KAZN: variants seen among roughly 807,000 people sequenced by gnomAD.
KAZN encodes kazrin, periplakin interacting protein.
A neutral mutation model predicts 87.4 loss-of-function variants in KAZN; 40 were observed. The observed-to-expected ratio is 0.46, with a 90% confidence interval of 0.36 to 0.60. KAZN has a LOEUF of 0.60. KAZN is among the 20% of genes least tolerant of loss of function. KAZN has a pLI of 0.00. For missense variants in KAZN, 898 were observed against 1,073.9 expected, an observed-to-expected ratio of 0.84 and a Z score of 2.29; for synonymous variants, 466 against 458.3, an observed-to-expected ratio of 1.02 and a Z score of -0.22.
intron 3 of KAZN, among the ~76,000 whole-genome samples, chr1:15,039,626 G>A (rs555564730): frequency 1.3e-4 from 20 of 152,324 alleles, no homozygotes; most frequent in South Asian, 2.1e-4. Context: ...ACATTTTAAT[G>A]GGGTACATAG....
chr1:15,036,207 CTA>C (rs1672246710), intron 3 of KAZN, among the ~76,000 whole-genome samples: 2 of 143,414 alleles, frequency 1.4e-5, no homozygotes, highest in Admixed American at 7.1e-5. Context: ...CCGGCTCCCC[CTA>C]CCCTGCCTAC....
intron 1 of KAZN, among the ~76,000 whole-genome samples, chr1:14,626,738 T>C (rs561631283): frequency 2.0e-5 from 3 of 152,360 alleles, no homozygotes; most frequent in South Asian, 4.1e-4. Context: ...ACTCTGCCTC[T>C]TTCCCTTGTC....
At chr1:14,775,517 G>A (rs1645150134) in intron 1 of KAZN, among the ~76,000 whole-genome samples, 1 of 152,228 alleles carries the variant, frequency 6.6e-6, no homozygotes, top group Non-Finnish European at 1.5e-5. Flanking sequence ...CTTGTGATGT[G>A]GACACAGGAG....
At chr1:14,328,853 A>G (rs1571315086) in intron 2 of KAZN, among the ~76,000 whole-genome samples, 2 of 151,734 alleles carry the variant, frequency 1.3e-5, no homozygotes, top group South Asian at 2.1e-4. Context: ...GTACCTCCTT[A>G]GATAGTACAT....
chr1:14,573,524 G>A (rs934355968), intron 2 of KAZN, among the ~76,000 whole-genome samples: 1 of 152,122 alleles, frequency 6.6e-6, no homozygotes, highest in African/African-American at 2.4e-5. Flanking sequence ...GTGCACACCT[G>A]TAATCCCAGC....
intron 2 of KAZN, among the ~76,000 whole-genome samples, chr1:14,261,422 C>A: frequency 6.6e-6 from 1 of 152,230 alleles, no homozygotes; most frequent in Admixed American, 6.5e-5. Flanking sequence ...GGTTAAGATA[C>A]GCTGGGTCCT....
At chr1:14,060,026 C>T (rs550349225) in intron 1 of KAZN, among the ~76,000 whole-genome samples, 2 of 152,250 alleles carry the variant, frequency 1.3e-5, no homozygotes, top group East Asian at 3.9e-4. Flanking sequence ...GCCTTCTCAC[C>T]ACTGTCTATT....
In KAZN at chr1:14,602,495, G is replaced by T. The variant is rs181944247; in HGVS notation, c.226+3272G>T. On this transcript the variant is annotated intron_variant, in intron 1 of 14. Transcript: ENST00000376030. The stretch of plus-strand genomic sequence containing the variant: ...CAGAAGGAGGCTTGGAAAGAACAGA[G>T]CCAAGCATTTGTTCCAATTCATCTT... Among the ~76,000 whole-genome samples the T allele has an allele frequency of 3.5e-4, 54 of 152,302 alleles. No homozygotes were observed. The South Asian group carries it at 4.1e-3, about 12-fold the overall frequency.
chr1:14,549,512 T>C (rs551258396), intron 2 of KAZN, among the ~76,000 whole-genome samples: 7 of 152,304 alleles, frequency 4.6e-5, no homozygotes, highest in South Asian at 4.1e-4. Context: ...CAGAGATTAC[T>C]TTGTGTTCAT....
At chr1:14,155,102 G>A (rs1645564532) in intron 1 of KAZN, among the ~76,000 whole-genome samples, 1 of 152,108 alleles carries the variant, frequency 6.6e-6, no homozygotes, top group South Asian at 2.1e-4. Flanking sequence ...AATAGTTGGA[G>A]TATGATTGCT....
chr1:14,860,972 G>T (rs1400624844), intron 1 of KAZN, among the ~76,000 whole-genome samples: 1 of 152,176 alleles, frequency 6.6e-6, no homozygotes, highest in Admixed American at 6.5e-5. Context: ...TGGTTCTCTT[G>T]TCTCTTGTCC....
chr1:14,440,189 G>A (rs1666618696), intron 2 of KAZN, among the ~76,000 whole-genome samples: 3 of 152,310 alleles, frequency 2.0e-5, no homozygotes, highest in East Asian at 1.9e-4. Flanking sequence ...AAGGTACTCT[G>A]TAAAAAATGT....
chr1:15,005,771 G>A (rs1271643680), intron 2 of KAZN, among the ~76,000 whole-genome samples: 1 of 149,996 alleles, frequency 6.7e-6, no homozygotes, highest in Non-Finnish European at 1.5e-5. Flanking sequence ...CTGCATGGCA[G>A]AGCGATACAA....
intron 1 of KAZN, among the ~76,000 whole-genome samples, chr1:14,112,582 A>G (rs771630739): frequency 7.9e-5 from 12 of 152,178 alleles, no homozygotes; most frequent in Non-Finnish European, 1.5e-4. Context: ...TGTAGGGGGA[A>G]ACTGTGACTC....
chr1:13,972,862 G>A (rs1642186407), intron 1 of KAZN, among the ~76,000 whole-genome samples: 1 of 152,194 alleles, frequency 6.6e-6, no homozygotes, highest in Admixed American at 6.5e-5. Context: ...ACTCCCACCA[G>A]TTATTCTGTG....
At chr1:13,941,503 G>A (rs567876964) in intron 1 of KAZN, among the ~76,000 whole-genome samples, 1 of 152,176 alleles carries the variant, frequency 6.6e-6, no homozygotes, top group South Asian at 2.1e-4. Context: ...ACCTTGGCAA[G>A]TCAAGTCAGG....
intron 1 of KAZN, among the ~76,000 whole-genome samples, chr1:14,812,379 C>T (rs1646439329): frequency 6.6e-6 from 1 of 152,228 alleles, no homozygotes; most frequent in Non-Finnish European, 1.5e-5. Flanking sequence ...ATGCACAGGG[C>T]ACCCACGTGT....
intron 1 of KAZN, among the ~76,000 whole-genome samples, chr1:14,633,130 T>C (rs1679699362): frequency 6.6e-6 from 1 of 152,130 alleles, no homozygotes. Flanking sequence ...TTGGCCAGGC[T>C]GGTCTCGAAC....
intron 1 of KAZN, among the ~76,000 whole-genome samples, chr1:13,948,055 C>T: frequency 6.6e-6 from 1 of 152,194 alleles, no homozygotes; most frequent in East Asian, 1.9e-4. Context: ...TTTCCCATCT[C>T]AAGATCCTTA....
Sources: allele counts gnomAD v4.1 joint callset (sites outside exome capture counted in the v4.1 genomes callset), GRCh38; gene constraint gnomAD v4.1.1; transcripts MANE v1.5; gene names NCBI Gene and HGNC (gene_info 2026-07-23, HGNC 2026-07-21).